Variants in CLEC16A observed in about 807,000 individuals in gnomAD.
CLEC16A encodes the protein C-type lectin domain containing 16A.
Under a neutral mutation model 109.5 loss-of-function variants are expected in CLEC16A, and 51 were observed. That is an observed-to-expected ratio of 0.47 (90% CI 0.37 to 0.59). CLEC16A has a LOEUF of 0.59. Among genes scored for constraint, CLEC16A ranks in the 20% least tolerant of loss-of-function variants. The probability of loss-of-function intolerance (pLI) is 0.00; values close to 1 mark genes in which losing one functional copy is unlikely to be tolerated. For synonymous variants in CLEC16A, 673 were observed against 564.2 expected, an observed-to-expected ratio of 1.19 and a Z score of -2.73; for missense variants, 1,339 against 1,394.0, an observed-to-expected ratio of 0.96 and a Z score of 0.63.
intron 12 of CLEC16A, among the ~76,000 whole-genome samples, chr16:11,022,231 C>T (rs1467704740): frequency 6.6e-6 from 1 of 152,046 alleles, no homozygotes; most frequent in East Asian, 1.9e-4. Context: ...GCAGCTTTCT[C>T]CTTTGTCAAG....
chr16:11,114,802 C>A (rs2051860145), intron 19 of CLEC16A, among the ~76,000 whole-genome samples: 1 of 152,176 alleles, frequency 6.6e-6, no homozygotes, highest in South Asian at 2.1e-4. Context: ...CCCGCAATTC[C>A]TTGATCTCCC....
intron 10 of CLEC16A, among the ~76,000 whole-genome samples, chr16:10,996,875 C>T (rs1017716492): frequency 2.0e-5 from 3 of 152,222 alleles, no homozygotes; most frequent in African/African-American, 7.2e-5. Flanking sequence ...CCAGCTCTCC[C>T]ACCTGTTCGC....
At chr16:11,009,924 CAA>C (rs2045296795) in intron 11 of CLEC16A, among the ~76,000 whole-genome samples, 1 of 152,130 alleles carries the variant, frequency 6.6e-6, no homozygotes, top group African/African-American at 2.4e-5. Flanking sequence ...GAGGCCAACA[CAA>C]GAGGATCACC....
At chr16:11,085,486 C>T (rs1200452728) in intron 19 of CLEC16A, among the ~76,000 whole-genome samples, 1 of 152,266 alleles carries the variant, frequency 6.6e-6, no homozygotes, top group Admixed American at 6.5e-5. Flanking sequence ...TTCTGCGTGT[C>T]TGTTTCTTCA....
intron 14 of CLEC16A, 99 bp from the exon 15 acceptor site, chr16:11,042,155 A>G (rs371271849): frequency 4.0e-5 from 34 of 840,492 alleles, no homozygotes; most frequent in Middle Eastern, 4.5e-4. Flanking sequence ...CAGTTGGTCT[A>G]TCATGTGACC....
chr16:11,077,806 C>T (rs1250070681), intron 19 of CLEC16A, among the ~76,000 whole-genome samples: 1 of 152,092 alleles, frequency 6.6e-6, no homozygotes, highest in African/African-American at 2.4e-5. Context: ...GTTGTTCATA[C>T]TTCTAAACTT....
chr16:11,056,671 AG>A (rs2048229114), intron 18 of CLEC16A: 1 of 152,246 alleles, frequency 6.6e-6, no homozygotes, highest in African/African-American at 2.4e-5. Context: ...TTGAGGAAAT[AG>A]AATATTTTGC....
intron 12 of CLEC16A, among the ~76,000 whole-genome samples, chr16:11,022,597 G>A (rs1008840782): frequency 9.2e-5 from 14 of 151,942 alleles, no homozygotes; most frequent in African/African-American, 2.2e-4. Context: ...TCTGCACTGG[G>A]GGTTAAATAT....
chr16:11,018,854 G>T (rs946678724), intron 11 of CLEC16A, among the ~76,000 whole-genome samples: 2 of 152,154 alleles, frequency 1.3e-5, no homozygotes, highest in Non-Finnish European at 2.9e-5. Context: ...TGGCCAGGAG[G>T]TAAGGTCAGA....
At chr16:10,956,062 C>T (rs1321694633) in intron 1 of CLEC16A, among the ~76,000 whole-genome samples, 1 of 152,238 alleles carries the variant, frequency 6.6e-6, no homozygotes, top group Non-Finnish European at 1.5e-5. Flanking sequence ...AATGATTCAT[C>T]CCAGGGTGGT....
chr16:11,162,780 T>C (rs2054770400), intron 22 of CLEC16A, among the ~76,000 whole-genome samples: 1 of 152,216 alleles, frequency 6.6e-6, no homozygotes, highest in Admixed American at 6.5e-5. Flanking sequence ...TTCTTGGACT[T>C]ATCAGCTGTC....
At chr16:11,130,309 C>G (rs1432797441) in intron 22 of CLEC16A, among the ~76,000 whole-genome samples, 1 of 152,210 alleles carries the variant, frequency 6.6e-6, no homozygotes, top group Non-Finnish European at 1.5e-5. Context: ...CTTCTCTGAA[C>G]ACGGGAAGAC....
intron 19 of CLEC16A, among the ~76,000 whole-genome samples, chr16:11,107,287 G>A (rs911509226): frequency 6.6e-6 from 1 of 152,014 alleles, no homozygotes; most frequent in African/African-American, 2.4e-5. Flanking sequence ...GCGGCTTATA[G>A]GCCTGGCAGT....
At chr16:11,078,759 G>T (rs1239710063) in intron 19 of CLEC16A, among the ~76,000 whole-genome samples, 2 of 152,182 alleles carry the variant, frequency 1.3e-5, no homozygotes, top group African/African-American at 4.8e-5. Context: ...ACTTTGAGGG[G>T]CGCTCAAGGG....
intron 22 of CLEC16A, among the ~76,000 whole-genome samples, chr16:11,148,046 A>G (rs2054140440): frequency 6.6e-6 from 1 of 152,098 alleles, no homozygotes; most frequent in South Asian, 2.1e-4. Context: ...AAATTATGAG[A>G]TAAGTTTGCA....
chr16:11,081,113 C>G (rs75912537), intron 19 of CLEC16A, among the ~76,000 whole-genome samples: 1 of 152,194 alleles, frequency 6.6e-6, no homozygotes, highest in African/African-American at 2.4e-5. Context: ...ACAGCTACCC[C>G]TCAAATGCTC....
At chr16:11,078,084 G>A (rs889242057) in intron 19 of CLEC16A, among the ~76,000 whole-genome samples, 25 of 151,874 alleles carry the variant, frequency 1.6e-4, no homozygotes, top group African/African-American at 2.7e-4. Context: ...TGACCTGCCT[G>A]AAAATAGAAG....
intron 23 of CLEC16A, 70 bp downstream of exon 23, chr16:11,166,622 C>A: frequency 7.0e-7 from 1 of 1,425,834 alleles, no homozygotes; most frequent in Admixed American, 2.5e-5. Flanking sequence ...ATTACCAAAA[C>A]CCCTGACCTC....
At chr16:11,142,561 G>A (rs112748339) in intron 22 of CLEC16A, among the ~76,000 whole-genome samples, 146 of 152,332 alleles carry the variant, frequency 9.6e-4, no homozygotes, top group African/African-American at 3.2e-3. Flanking sequence ...TCATAATAAG[G>A]CACTGACCTG....
Sources: gnomAD v4.1 joint callset for allele counts (sites outside exome capture counted in the v4.1 genomes callset) on GRCh38, gnomAD v4.1.1 for gene constraint, MANE v1.5 for transcripts, NCBI Gene and HGNC (gene_info 2026-07-23, HGNC 2026-07-21) for gene names.